Variants in FGD4 observed in about 807,000 individuals in gnomAD.
The protein encoded by FGD4 is FYVE, RhoGEF and PH domain containing 4.
FGD4 carries 42 observed loss-of-function variants against 102.0 expected under a neutral mutation model. The observed-to-expected ratio is 0.41, with a 90% CI of 0.32 to 0.53. The LOEUF is 0.53. Ranked by LOEUF, FGD4 falls within the 20% of genes least tolerant of loss-of-function variation. The pLI, the probability that FGD4 is intolerant of heterozygous loss-of-function variation, is 0.21. For missense variants in FGD4, 902 were observed against 1,078.2 expected (o/e 0.84, Z 2.29); for synonymous variants, 380 against 375.7 (o/e 1.01, Z -0.13).
intron 1 of FGD4, among the ~76,000 whole-genome samples, chr12:32,413,337 C>T (rs565685408): frequency 8.6e-5 from 13 of 152,038 alleles, no homozygotes; most frequent in Non-Finnish European, 1.5e-4. Context: ...AAATGATCTT[C>T]GTTTACTCTG....
chr12:32,636,563 G>A (rs1008065287), intron 15 of FGD4, among the ~76,000 whole-genome samples: 1 of 151,824 alleles, frequency 6.6e-6, no homozygotes, highest in South Asian at 2.1e-4. Flanking sequence ...CTATGCTGAA[G>A]CATCAGTTTT....
chr12:32,594,613 G>A (rs898075635), intron 4 of FGD4, among the ~76,000 whole-genome samples: 1 of 152,068 alleles, frequency 6.6e-6, no homozygotes, highest in Admixed American at 6.6e-5. Flanking sequence ...CCGGTCCCTG[G>A]TGCCAAAAAG....
At chr12:32,551,979 C>T (rs1446504042) in intron 1 of FGD4, among the ~76,000 whole-genome samples, 2 of 152,190 alleles carry the variant, frequency 1.3e-5, no homozygotes, top group Non-Finnish European at 2.9e-5. Context: ...AATCTGTTGC[C>T]CAGTCTCTTC....
intron 1 of FGD4, among the ~76,000 whole-genome samples, chr12:32,533,422 TTTTG>T (rs374029258): frequency 8.5e-5 from 13 of 152,158 alleles, no homozygotes; most frequent in South Asian, 6.2e-4. Flanking sequence ...TGACATTTTC[TTTTG>T]TTTGTTTGTT....
At chr12:32,634,567 A>G (rs919511549) in intron 15 of FGD4, among the ~76,000 whole-genome samples, 2 of 149,998 alleles carry the variant, frequency 1.3e-5, no homozygotes, top group Non-Finnish European at 2.9e-5. Context: ...TATTAACAAT[A>G]TAAGGGACAG....
intron 2 of FGD4, among the ~76,000 whole-genome samples, chr12:32,564,687 T>A (rs1945037378): frequency 6.6e-6 from 1 of 152,232 alleles, no homozygotes. Flanking sequence ...TTCGTGTACT[T>A]ATCAAGCATG....
chr12:32,464,603 A>C (rs1252557572), intron 1 of FGD4, among the ~76,000 whole-genome samples: 1 of 152,180 alleles, frequency 6.6e-6, no homozygotes, highest in African/African-American at 2.4e-5. Flanking sequence ...AGAATGGATA[A>C]AATTTATTGA....
chr12:32,627,168 T>C (rs1240979735), intron 14 of FGD4, among the ~76,000 whole-genome samples: 3 of 150,394 alleles, frequency 2.0e-5, no homozygotes, highest in Non-Finnish European at 4.4e-5. Context: ...TTTTCTTTTT[T>C]TTTTGAGACA....
chr12:32,463,996 C>T (rs548595844), intron 1 of FGD4, among the ~76,000 whole-genome samples: 3 of 152,274 alleles, frequency 2.0e-5, no homozygotes, highest in South Asian at 4.1e-4. Flanking sequence ...ACTGATTTCA[C>T]GTAGCCACTA....
At chr12:32,633,349 G>A (rs1326874048) in intron 14 of FGD4, among the ~76,000 whole-genome samples, 200 bp from the exon 15 acceptor site, 1 of 152,150 alleles carries the variant, frequency 6.6e-6, no homozygotes, top group Non-Finnish European at 1.5e-5. Context: ...GCCAGGAAAA[G>A]GATGAGTGAG....
At chr12:32,464,734 A>G (rs77945129) in intron 1 of FGD4, among the ~76,000 whole-genome samples, 5,752 of 152,332 alleles carry the variant, frequency 0.038, 162 homozygotes, top group South Asian at 0.12. Flanking sequence ...CAAAGCAGAA[A>G]GAATACAAGT....
At chr12:32,509,783 C>T (rs1224937249) in intron 1 of FGD4, among the ~76,000 whole-genome samples, 1 of 152,216 alleles carries the variant, frequency 6.6e-6, no homozygotes, top group Non-Finnish European at 1.5e-5. Context: ...TGGACAGCTA[C>T]ATCTCCATTC....
In FGD4 at chr12:32,564,214, G is replaced by A; in HGVS notation, c.244G>A (p.Val82Ile). The change falls in exon 2 of 17, where the codon GTA (valine) becomes ATA (isoleucine). Residue 82 changes from valine (V) to isoleucine (I), a missense_variant. Coordinates refer to ENST00000534526, the MANE Select transcript of FGD4 (RefSeq NM_001370298.3). Reference protein sequence around the residue: ...SSTTTLVGENVSEEEAQGING... With the variant: ...SSTTTLVGENISEEEAQGING... ...CACAACCACACTGGTTGGTGAGAAT[G>A]TATCTGAAGAAGAGGCTCAGGGAAT... 6.5e-7 allele frequency: 1 copy of A among 1,536,138 alleles called. No homozygotes were observed. Among genetic ancestry groups the A allele is most frequent in the Non-Finnish European group, 8.7e-7 (1 of 1,146,902 alleles).
intron 1 of FGD4, among the ~76,000 whole-genome samples, chr12:32,535,621 A>T (rs1942179490): frequency 7.1e-6 from 1 of 140,760 alleles, no homozygotes; most frequent in Non-Finnish European, 1.5e-5. Flanking sequence ...ATTTACCATC[A>T]TACTCTAAAT....
Position 32,588,542 on chromosome 12 carries a change from C to G in FGD4, c.1011+6075C>G, listed in dbSNP as rs555596001. 1.2e-3 allele frequency among the ~76,000 whole-genome samples: 187 copies of G among 152,262 alleles called. 2 individuals are homozygous for G. The highest frequency in any genetic ancestry group is 5.8e-3 in the South Asian group (28 of 4,830). ...CTTGCAGGCTTGGTGATTGAAGTGT[C>G]GATTTGGGCAGTCCTCTGCCAAGAC... On this transcript the variant is annotated intron_variant, in intron 4 of 16. Transcript: ENST00000534526.
chr12:32,501,332 C>A (rs1429828396), intron 1 of FGD4, among the ~76,000 whole-genome samples: 1 of 152,198 alleles, frequency 6.6e-6, no homozygotes, highest in Non-Finnish European at 1.5e-5. Flanking sequence ...TAGTTTACCT[C>A]TAATAGTTGG....
At chr12:32,552,753 G>A (rs1341537296) in intron 1 of FGD4, among the ~76,000 whole-genome samples, 1 of 151,366 alleles carries the variant, frequency 6.6e-6, no homozygotes, top group African/African-American at 2.4e-5. Flanking sequence ...ACACTGGCCA[G>A]CTCCAATGCA....
intron 1 of FGD4, among the ~76,000 whole-genome samples, chr12:32,456,046 C>T (rs992653091): frequency 6.6e-6 from 1 of 152,096 alleles, no homozygotes; most frequent in Non-Finnish European, 1.5e-5. Flanking sequence ...TGTGTAAAAC[C>T]CTGCAAGCAT....
rs1555183378 is a variant in FGD4 at position 32,453,250 on chromosome 12, T to TTA, written c.166+53291_166+53292insTA. ...AGATATATATATATTTTTTTTTTTT[T>TTA]AAATGTAGAGCCTCACTCTGTTGCC... On this transcript the variant is annotated intron_variant, in intron 1 of 16. Transcript: ENST00000534526. 5.0e-3 allele frequency among the ~76,000 whole-genome samples: 660 copies of TTA among 132,028 alleles called. 4 individuals are homozygous for TTA. Among genetic ancestry groups the TTA allele is most frequent in the Non-Finnish European group, 8.3e-3 (514 of 62,192 alleles). The allele number at this position is 132,028 out of a possible 152,430, so 86.6% of individuals were successfully genotyped here.
Sources: gnomAD v4.1 joint callset for allele counts (sites outside exome capture counted in the v4.1 genomes callset) on GRCh38, gnomAD v4.1.1 for gene constraint, MANE v1.5 for transcripts, NCBI Gene and HGNC (gene_info 2026-07-23, HGNC 2026-07-21) for gene names.